TRAPPC11: variants seen among roughly 807,000 people sequenced by gnomAD.
The protein encoded by TRAPPC11 is foie gras homolog.
A neutral mutation model predicts 151.2 loss-of-function variants in TRAPPC11; 104 were observed. The ratio of observed to expected loss-of-function variants is 0.69; its 90% confidence interval spans 0.59 to 0.81. The LOEUF (loss-of-function observed/expected upper bound fraction) is 0.81. Ranked by LOEUF, TRAPPC11 falls within the 30% of genes least tolerant of loss-of-function variation. The pLI, the probability that TRAPPC11 is intolerant of heterozygous loss-of-function variation, is 0.00. For missense variants in TRAPPC11, 1,230 were observed against 1,349.6 expected (o/e 0.91, Z 1.39); for synonymous variants, 456 against 472.3 (o/e 0.97, Z 0.45).
intron 29 of TRAPPC11, among the ~76,000 whole-genome samples, chr4:183,712,335 T>G (rs113678440): frequency 1.7e-4 from 26 of 152,104 alleles, no homozygotes; most frequent in Non-Finnish European, 3.4e-4. Context: ...ATTCTTCGGG[T>G]GGAAGTGCAG....
chr4:183,668,910 G>A (rs560747462), intron 5 of TRAPPC11, among the ~76,000 whole-genome samples: 45 of 152,156 alleles, frequency 3.0e-4, no homozygotes, highest in African/African-American at 9.9e-4. Flanking sequence ...AGTGTCCTTC[G>A]TTAACTCATG....
rs543833265 is a variant in TRAPPC11, at chr4:183,697,742, G to A, written c.2758G>A (p.Ala920Thr). ...PFLLMTDLLS[A>T]SPWALTIVSS... ...TCTGTTGATGACGGACCTCTTAAGT[G>A]CCTCACCCTGGGCCCTCACTATTGT... The change falls in exon 25 of 30, where the codon GCC (alanine) becomes ACC (threonine). Residue 920 changes from alanine (A) to threonine (T), a missense_variant. Physicochemically the swap from Ala to Thr is moderately conservative, Grantham distance 58. Coordinates refer to ENST00000334690, the MANE Select transcript of TRAPPC11 (RefSeq NM_021942.6). The A allele has an allele frequency of 1.2e-6, 2 of 1,614,126 alleles. No individual in the cohort carries two copies. Among genetic ancestry groups the A allele is most frequent in the South Asian group, 1.1e-5 (1 of 91,082 alleles).
intron 23 of TRAPPC11, among the ~76,000 whole-genome samples, chr4:183,696,123 A>G (rs530190065): frequency 5.3e-5 from 8 of 152,322 alleles, no homozygotes; most frequent in African/African-American, 1.9e-4. Flanking sequence ...CTCAACAAGT[A>G]AGTATAATCC....
At position 183,712,821 on chromosome 4, in the gene TRAPPC11, T is replaced by G. The variant is rs1314894137; in HGVS notation, c.*177T>G. Reference sequence around the variant, plus strand: ...TTCAAAAATATTAGGAAAATCTGTCTTATAGTTTCTCTAATAAATATCTGA... The same window carrying G: ...TTCAAAAATATTAGGAAAATCTGTCGTATAGTTTCTCTAATAAATATCTGA... On this transcript the variant is annotated 3_prime_UTR_variant, in exon 30 of 30. Coordinates refer to ENST00000334690, the MANE Select transcript of TRAPPC11 (RefSeq NM_021942.6). 7.9e-6 allele frequency: 4 copies of G among 508,666 alleles called. No homozygotes were observed. The highest frequency in any genetic ancestry group is 1.4e-5 in the Non-Finnish European group (4 of 289,582). The allele number at this position is 508,666 out of a possible 1,614,324, so 31.5% of individuals were successfully genotyped here.
At chr4:183,704,518 CAAAA>C (rs140497615) in intron 26 of TRAPPC11, among the ~76,000 whole-genome samples, 2 of 86,424 alleles carry the variant, frequency 2.3e-5, no homozygotes, top group African/African-American at 4.2e-5. Context: ...GAGACTGTCT[CAAAA>C]AAAAAAAAAA....
intron 1 of TRAPPC11, among the ~76,000 whole-genome samples, chr4:183,660,244 A>G (rs1223192070): frequency 6.6e-6 from 1 of 152,210 alleles, no homozygotes; most frequent in African/African-American, 2.4e-5. Flanking sequence ...TTCGTGCAGC[A>G]ATTTTGGGAC....
At position 183,685,115 on chromosome 4, in the gene TRAPPC11, G is replaced by T; in HGVS notation, c.1599G>T (p.Arg533=). 2 of 1,613,804 alleles carry T rather than the reference G, an allele frequency of 1.2e-6. No individual in the cohort carries two copies. Among genetic ancestry groups the T allele is most frequent in the Non-Finnish European group, 1.7e-6 (2 of 1,179,870 alleles). Residue 533 remains arginine (R), a synonymous_variant, in exon 16 of 30, where the codon CGG becomes CGT. Transcript: ENST00000334690. ...ASTLKDDQKS[R]IEKNLINVLM... is the part of the protein sequence containing the mutation. Reference sequence around the variant, plus strand: ...CTCTGAAAGATGACCAGAAGTCTCGGATAGAAAAGAACCTCATAAATGTTT... The same window carrying T: ...CTCTGAAAGATGACCAGAAGTCTCGTATAGAAAAGAACCTCATAAATGTTT...
intron 5 of TRAPPC11, among the ~76,000 whole-genome samples, chr4:183,674,193 C>T (rs1735295124): frequency 6.6e-6 from 1 of 151,078 alleles, no homozygotes; most frequent in South Asian, 2.1e-4. Flanking sequence ...GTGGGCGGAT[C>T]ACTTGAGGTC....
Position 183,666,265 on chromosome 4 carries a change from A to T in TRAPPC11, c.213A>T (p.Ser71=). Residue 71 remains serine (S), a synonymous_variant, in exon 3 of 30, where the codon TCA becomes TCT. Coordinates refer to ENST00000334690, the MANE Select transcript of TRAPPC11 (RefSeq NM_021942.6). ...TCTGCCAATGTTTGCAGAGAACTTCATATGAGTGGTACATTCCTAAAGGGA... is the reference window on the plus strand; with the variant it reads ...TCTGCCAATGTTTGCAGAGAACTTCTTATGAGTGGTACATTCCTAAAGGGA... ...EYPKCRPKRT[S]YEWYIPKGIL... 2 of 1,611,900 alleles carry T rather than the reference A, an allele frequency of 1.2e-6. No individual in the cohort carries two copies.
At chr4:183,692,862 T>G in intron 19 of TRAPPC11, 98 bp from the exon 20 acceptor site, 1 of 1,105,442 alleles carries the variant, frequency 9.0e-7, no homozygotes, top group Non-Finnish European at 1.3e-6. Context: ...CTAGATGAAC[T>G]CCATGGTCTT....
intron 1 of TRAPPC11, among the ~76,000 whole-genome samples, chr4:183,661,361 CTTTTTTT>C (rs139201416): frequency 1.8e-4 from 14 of 79,394 alleles, no homozygotes; most frequent in African/African-American, 5.7e-4. Flanking sequence ...TGTAGATTAC[CTTTTTTT>C]TTTTTTTTTT....
At position 183,712,780 on chromosome 4, in the gene TRAPPC11, T is replaced by A; in HGVS notation, c.*136T>A. ...TTTTAATGGATGTTATACCAACTAT[T>A]CAGAGGAACTCATACTTCAAAAATA... On this transcript the variant is annotated 3_prime_UTR_variant, in exon 30 of 30. Transcript: ENST00000334690. The A allele has an allele frequency of 1.4e-6, 1 of 703,570 alleles. No individual in the cohort carries two copies. Among genetic ancestry groups the A allele is most frequent in the Non-Finnish European group, 2.4e-6 (1 of 424,744 alleles). The allele number at this position is 703,570 out of a possible 1,614,324, so 43.6% of individuals were successfully genotyped here.
chr4:183,665,108 T>TG (rs1734779182), intron 2 of TRAPPC11, among the ~76,000 whole-genome samples: 1 of 147,520 alleles, frequency 6.8e-6, no homozygotes, highest in Non-Finnish European at 1.5e-5. Flanking sequence ...TTTTTTTTTT[T>TG]TTTTGAGACG....
chr4:183,683,582 A>C (rs1735806575), intron 11 of TRAPPC11, among the ~76,000 whole-genome samples: 1 of 151,940 alleles, frequency 6.6e-6, no homozygotes, highest in African/African-American at 2.4e-5. Flanking sequence ...TGATCGCTTG[A>C]GCCTAGGAGG....
At chr4:183,689,315 T>C (rs1736135866) in intron 18 of TRAPPC11, among the ~76,000 whole-genome samples, 1 of 151,976 alleles carries the variant, frequency 6.6e-6, no homozygotes. Flanking sequence ...CAGGAGGTTT[T>C]GTACATGCCC....
intron 1 of TRAPPC11, among the ~76,000 whole-genome samples, chr4:183,661,616 C>T (rs1734548490): frequency 6.6e-6 from 1 of 151,950 alleles, no homozygotes; most frequent in African/African-American, 2.4e-5. Context: ...TGTGATCCGC[C>T]CGCCTCGGCC....
At chr4:183,685,213 T>C in intron 16 of TRAPPC11, 58 bp from the exon 17 acceptor site, 1 of 1,609,814 alleles carries the variant, frequency 6.2e-7, no homozygotes, top group Non-Finnish European at 8.5e-7. Context: ...TATCAACTAA[T>C]CCAAGTAGTG....
rs531716193 is a variant in TRAPPC11, at chr4:183,690,950, C to T, written c.1894-366C>T. ...GCCACTGCACTCCAGGTAGGAAAAA[C>T]AGGAAGTAACCAAGCAGGATGAGAA... On this transcript the variant is annotated intron_variant, in intron 18 of 29. Coordinates refer to ENST00000334690, the MANE Select transcript of TRAPPC11 (RefSeq NM_021942.6). 3.8e-4 allele frequency among the ~76,000 whole-genome samples: 58 copies of T among 152,112 alleles called. 1 individual carries two copies. The highest frequency in any genetic ancestry group is 1.3e-3 in the African/African-American group (56 of 41,490).
chr4:183,706,439 C>T (rs185543638), intron 27 of TRAPPC11, among the ~76,000 whole-genome samples: 3 of 151,658 alleles, frequency 2.0e-5, no homozygotes, highest in Admixed American at 2.0e-4. Flanking sequence ...AGGACAATGG[C>T]GTGAACCCGG....
Sources: allele counts gnomAD v4.1 joint callset (sites outside exome capture counted in the v4.1 genomes callset), GRCh38; gene constraint gnomAD v4.1.1; transcripts MANE v1.5; gene names NCBI Gene and HGNC (gene_info 2026-07-23, HGNC 2026-07-21).